ANKRD29: variants seen among roughly 807,000 people sequenced by gnomAD.
The protein encoded by ANKRD29 is ankyrin repeat domain-containing protein 29.
Under a neutral mutation model 38.0 loss-of-function variants are expected in ANKRD29, and 32 were observed. The ratio of observed to expected loss-of-function variants is 0.84; its 90% CI spans 0.64 to 1.13. The LOEUF (loss-of-function observed/expected upper bound fraction) is 1.13, where lower values mean the gene tolerates loss of function less well. Among genes scored for constraint, ANKRD29 ranks in the 50% most tolerant of loss-of-function variants. The probability of loss-of-function intolerance (pLI) is 0.00; values close to 1 mark genes in which losing one functional copy is unlikely to be tolerated. For synonymous variants in ANKRD29, 135 were observed against 152.4 expected (o/e 0.89, Z 0.84); for missense variants, 357 against 377.9 (o/e 0.94, Z 0.46).
chr18:23,656,528 C>T (rs1053280638), intron 1 of ANKRD29, among the ~76,000 whole-genome samples: 26 of 152,260 alleles, frequency 1.7e-4, no homozygotes, highest in Middle Eastern at 3.4e-3. Flanking sequence ...AACATCCTGT[C>T]AACTTTATTA....
In ANKRD29 at chr18:23,662,888, AG is replaced by A; in HGVS notation, c.-159del. On this transcript the variant is annotated 5_prime_UTR_variant, in exon 1 of 10. Coordinates refer to ENST00000592179, the MANE Select transcript of ANKRD29 (RefSeq NM_173505.4). Reference sequence around the variant, plus strand: ...CGGCCCGGCAGCAGCCGCCGCACACAGGGCCGGGCCGAAGGGGCGGCGCGGG... The same window carrying A: ...CGGCCCGGCAGCAGCCGCCGCACACAGGCCGGGCCGAAGGGGCGGCGCGGG... 1 of 549,156 alleles carries A rather than the reference AG, an allele frequency of 1.8e-6. No homozygotes were observed. The highest frequency in any genetic ancestry group is 2.1e-5 in the African/African-American group (1 of 48,770). 34.0% of individuals were successfully genotyped at this position (549,156 alleles called of 1,614,324 possible).
At chr18:23,656,086 C>G (rs2145739539) in intron 1 of ANKRD29, among the ~76,000 whole-genome samples, 1 of 143,570 alleles carries the variant, frequency 7.0e-6, no homozygotes, top group South Asian at 2.2e-4. Flanking sequence ...GAGCGAGACT[C>G]CGTCTCAAAA....
chr18:23,598,936 T>C lies in ANKRD29; in HGVS notation c.*2290A>G, dbSNP rs1030074861. 1.2e-4 allele frequency: 19 copies of C among 152,216 alleles called. No homozygotes were observed. The highest frequency in any genetic ancestry group is 4.6e-4 in the African/African-American group (19 of 41,458). The allele number at this position is 152,216 out of a possible 1,614,324, so 9.4% of individuals were successfully genotyped here. A position where few individuals can be genotyped will look rare whatever the true frequency, so the allele number is the denominator to read the frequency against. On this transcript the variant is annotated 3_prime_UTR_variant, in exon 10 of 10. Coordinates refer to ENST00000592179, the MANE Select transcript of ANKRD29 (RefSeq NM_173505.4). ...AGCAGCAAAGGCAAATGGGGTAGTA[T>C]ATTAACTTTATTTTGAATTATTATA...
chr18:23,637,690 G>C (rs1274568241), intron 4 of ANKRD29, among the ~76,000 whole-genome samples: 1 of 151,976 alleles, frequency 6.6e-6, no homozygotes, highest in Non-Finnish European at 1.5e-5. Context: ...GAGCCACCTT[G>C]GCCAGCTCCA....
At chr18:23,629,761 C>A in intron 6 of ANKRD29, 92 bp downstream of exon 6, 1 of 983,766 alleles carries the variant, frequency 1.0e-6, no homozygotes, top group South Asian at 1.4e-5. Context: ...CTTGAGCTTA[C>A]TGGTTATCTC....
intron 4 of ANKRD29, among the ~76,000 whole-genome samples, chr18:23,637,044 C>T (rs2060011662): frequency 6.6e-6 from 1 of 152,040 alleles, no homozygotes; most frequent in African/African-American, 2.4e-5. Context: ...TGTGGAATTG[C>T]TCATCCTGAG....
intron 1 of ANKRD29, 168 bp from the exon 2 acceptor site, chr18:23,649,361 T>G (rs1236617196): frequency 5.6e-6 from 4 of 708,824 alleles, no homozygotes; most frequent in Non-Finnish European, 1.0e-5. Flanking sequence ...TGAACTCTGT[T>G]GGATTCCAGA....
At chr18:23,607,489 C>T (rs542873584) in intron 9 of ANKRD29, among the ~76,000 whole-genome samples, 1 of 152,314 alleles carries the variant, frequency 6.6e-6, no homozygotes, top group African/African-American at 2.4e-5. Flanking sequence ...TTAAGAAGCT[C>T]TACCTCTGTC....
chr18:23,611,877 A>G (rs902086354), intron 9 of ANKRD29, among the ~76,000 whole-genome samples: 1 of 152,028 alleles, frequency 6.6e-6, no homozygotes, highest in African/African-American at 2.4e-5. Context: ...AAAAGAAAAA[A>G]AAAAACCATT....
intron 4 of ANKRD29, among the ~76,000 whole-genome samples, chr18:23,635,686 C>G (rs535580904): frequency 6.6e-6 from 1 of 152,350 alleles, no homozygotes; most frequent in Non-Finnish European, 1.5e-5. Flanking sequence ...GATCCCCACC[C>G]TCAGCCCTGC....
intron 1 of ANKRD29, among the ~76,000 whole-genome samples, 186 bp downstream of exon 1, chr18:23,662,524 A>G (rs977019573): frequency 5.3e-5 from 8 of 150,028 alleles, no homozygotes; most frequent in African/African-American, 2.0e-4. Flanking sequence ...CCGCAAACCC[A>G]CAGGGCGCAC....
At chr18:23,641,462 G>A (rs1209042469) in intron 3 of ANKRD29, among the ~76,000 whole-genome samples, 4 of 152,254 alleles carry the variant, frequency 2.6e-5, no homozygotes, top group African/African-American at 9.6e-5. Flanking sequence ...GGCTAGGGGA[G>A]AGCATGCTTG....
At chr18:23,607,771 G>C (rs1297147921) in intron 9 of ANKRD29, among the ~76,000 whole-genome samples, 1 of 152,172 alleles carries the variant, frequency 6.6e-6, no homozygotes, top group African/African-American at 2.4e-5. Context: ...GTTCATTATG[G>C]AGCAGGAGCA....
intron 6 of ANKRD29, among the ~76,000 whole-genome samples, chr18:23,627,064 T>C (rs1255544923): frequency 6.6e-6 from 1 of 152,216 alleles, no homozygotes; most frequent in Non-Finnish European, 1.5e-5. Context: ...GTGCAGGCCA[T>C]GTGCAGGCAT....
intron 1 of ANKRD29, among the ~76,000 whole-genome samples, chr18:23,653,723 A>C (rs912286431): frequency 6.6e-6 from 1 of 151,050 alleles, no homozygotes; most frequent in South Asian, 2.1e-4. Flanking sequence ...CCTGACACTG[A>C]CCATGCCTGG....
chr18:23,631,406 A>T (rs2059930913), intron 5 of ANKRD29, among the ~76,000 whole-genome samples: 1 of 150,128 alleles, frequency 6.7e-6, no homozygotes, highest in Non-Finnish European at 1.5e-5. Context: ...ACATCCAGTT[A>T]ATTTTTTAAA....
At chr18:23,601,981 C>T (rs2059518653) in intron 9 of ANKRD29, among the ~76,000 whole-genome samples, 1 of 151,828 alleles carries the variant, frequency 6.6e-6, no homozygotes, top group East Asian at 1.9e-4. Context: ...TAATGTATGA[C>T]ATGAGGTAGT....
Position 23,608,952 on chromosome 18 carries a change from A to T in ANKRD29, c.822+3140T>A, listed in dbSNP as rs571382083. Among the ~76,000 whole-genome samples, 25 of 152,252 alleles carry T rather than the reference A, an allele frequency of 1.6e-4. 1 individual carries two copies. The highest frequency in any genetic ancestry group is 5.1e-4 in the African/African-American group (21 of 41,544). ...CCTGTTTCTACTAAAAGTACAAAAA[A>T]TTAGCCTGGCATGCCCCTGTAATCC... is the stretch of plus-strand genomic sequence containing the variant. On this transcript the variant is annotated intron_variant, in intron 9 of 9. Coordinates refer to ENST00000592179, the MANE Select transcript of ANKRD29 (RefSeq NM_173505.4).
At chr18:23,627,051 C>T (rs555573073) in intron 6 of ANKRD29, among the ~76,000 whole-genome samples, 1 of 152,152 alleles carries the variant, frequency 6.6e-6, no homozygotes, top group African/African-American at 2.4e-5. Flanking sequence ...ATAGGTAGGC[C>T]ATGTGCAGGC....
Sources: allele counts gnomAD v4.1 joint callset (sites outside exome capture counted in the v4.1 genomes callset), GRCh38; gene constraint gnomAD v4.1.1; transcripts MANE v1.5; gene names NCBI Gene and HGNC (gene_info 2026-07-23, HGNC 2026-07-21).